Variants in RAB37 observed in about 807,000 individuals in gnomAD.
RAB37 encodes RAB37, member RAS oncogene family.
In RAB37, 29 loss-of-function variants were observed where a neutral mutation model predicts 33.1. The ratio of observed to expected loss-of-function variants is 0.88; its 90% confidence interval spans 0.65 to 1.20. The LOEUF (loss-of-function observed/expected upper bound fraction) is 1.20. RAB37 is among the 50% of genes most tolerant of loss of function. The probability of loss-of-function intolerance (pLI) is 0.00; values close to 1 mark genes in which losing one functional copy is unlikely to be tolerated. For synonymous variants in RAB37, 128 were observed against 119.5 expected (o/e 1.07, Z -0.47); for missense variants, 299 against 301.1 (o/e 0.99, Z 0.05).
At chr17:74,718,332 A>G (rs189565982) in intron 1 of RAB37, among the ~76,000 whole-genome samples, 23 of 151,176 alleles carry the variant, frequency 1.5e-4, no homozygotes, top group South Asian at 2.1e-4. Flanking sequence ...ATCATATCAT[A>G]TCATATCATA....
intron 1 of RAB37, among the ~76,000 whole-genome samples, chr17:74,739,933 G>A (rs1357054052): frequency 6.6e-6 from 1 of 151,576 alleles, no homozygotes; most frequent in Non-Finnish European, 1.5e-5. Flanking sequence ...GAGGCGGGCG[G>A]ATCACCTGAG....
intron 1 of RAB37, chr17:74,696,174 C>T (rs774287786): frequency 1.9e-6 from 3 of 1,596,302 alleles, no homozygotes; most frequent in Admixed American, 3.7e-5. Context: ...CTCTCTGGTC[C>T]GACCTTGGGG....
At chr17:74,697,400 A>C in intron 1 of RAB37, among the ~76,000 whole-genome samples, 1 of 152,234 alleles carries the variant, frequency 6.6e-6, no homozygotes, top group African/African-American at 2.4e-5. Flanking sequence ...TAGATGCTGG[A>C]GAACACAGAA....
At chr17:74,692,444 C>G (rs966538640) in intron 1 of RAB37, among the ~76,000 whole-genome samples, 3 of 152,080 alleles carry the variant, frequency 2.0e-5, no homozygotes, top group Non-Finnish European at 2.9e-5. Flanking sequence ...CCAAGGTCAC[C>G]AATGCCAGAT....
chr17:74,678,682 GACACAC>G (rs148139871), intron 1 of RAB37, among the ~76,000 whole-genome samples: 43 of 147,926 alleles, frequency 2.9e-4, no homozygotes, highest in Admixed American at 2.5e-3. Context: ...CAGACACACA[GACACAC>G]ACACACACAC....
Position 74,744,783 on chromosome 17 carries a change from G to GAGGGC in RAB37, c.433-86_433-82dup. On this transcript the variant is annotated intron_variant, in intron 6 of 8. Transcript: ENST00000392613. The surrounding 1 kb of genome is among the most constrained non-coding windows in gnomAD (Gnocchi z 4.2). ...CCTGCAGTCCCTTGGGCCACCAGCA[G>GAGGGC]AGGGCAGGCAACGCCTGCTTCTGGG... 6.7e-7 allele frequency: 1 copy of GAGGGC among 1,483,728 alleles called. No individual in the cohort carries two copies. The allele number at this position is 1,483,728 out of a possible 1,614,324, so 91.9% of individuals were successfully genotyped here.
In RAB37 at chr17:74,700,141, CAATAAATA is replaced by C. The variant is rs77860062; in HGVS notation, c.72+28506_72+28513del. Among the ~76,000 whole-genome samples, 111 of 147,816 alleles carry C rather than the reference CAATAAATA, an allele frequency of 7.5e-4. 1 individual carries two copies. The highest frequency in any genetic ancestry group is 4.8e-3 in the East Asian group (24 of 4,988). On this transcript the variant is annotated intron_variant, in intron 1 of 7. Transcript: ENST00000340415. ...TGGTCGACAGAGCAAGACCCTGTCTCAATAAATAAATAAATAAATAAATAAATAAACAA... is the reference window on the plus strand; with the variant it reads ...TGGTCGACAGAGCAAGACCCTGTCTCAATAAATAAATAAATAAATAAACAA...
intron 2 of RAB37, among the ~76,000 whole-genome samples, chr17:74,731,392 G>T (rs374817876): frequency 6.6e-6 from 1 of 152,206 alleles, no homozygotes; most frequent in Non-Finnish European, 1.5e-5. Context: ...CACTTTGGAG[G>T]AGCCAGAGGT....
Position 74,729,369 on chromosome 17 carries a change from A to G in RAB37, c.183+3A>G. 1 of 1,610,010 alleles carries G rather than the reference A, an allele frequency of 6.2e-7. No individual in the cohort carries two copies. The highest frequency in any genetic ancestry group is 1.1e-5 in the South Asian group (1 of 91,020). Reference sequence around the variant, plus strand: ...CCACTGTGGGCATCGGATTCACGGTAAGCACTGGCCGGCACTGCCAGCTCT... The same window carrying G: ...CCACTGTGGGCATCGGATTCACGGTGAGCACTGGCCGGCACTGCCAGCTCT... On this transcript the variant is annotated splice_donor_region_variant and intron_variant, in intron 2 of 7. Coordinates refer to the RAB37 transcript ENST00000340415. The surrounding 1 kb of genome is among the most constrained non-coding windows in gnomAD (Gnocchi z 4.2).
intron 1 of RAB37, 70 bp downstream of exon 1, chr17:74,737,435 G>T (rs1435896143): frequency 6.9e-7 from 1 of 1,457,238 alleles, no homozygotes; most frequent in East Asian, 2.5e-5. Context: ...CGTCTGGGTT[G>T]GACTCAGCCC....
At chr17:74,704,415 G>A (rs1480345413) in intron 1 of RAB37, 2 of 1,151,090 alleles carry the variant, frequency 1.7e-6, no homozygotes, top group East Asian at 4.7e-5. Context: ...ACTTGAGTAG[G>A]ACCTCAGAGA....
At chr17:74,688,944 G>T (rs1296861220) in intron 1 of RAB37, among the ~76,000 whole-genome samples, 1 of 152,154 alleles carries the variant, frequency 6.6e-6, no homozygotes, top group Non-Finnish European at 1.5e-5. Flanking sequence ...AAGGCTTTAG[G>T]TCTACATCAA....
chr17:74,671,411 C>T lies in RAB37; in HGVS notation c.-176C>T, dbSNP rs2031701157. The T allele has an allele frequency of 3.3e-6, 2 of 611,322 alleles. No homozygotes were observed. The highest frequency in any genetic ancestry group is 5.5e-5 in the East Asian group (2 of 36,312). The allele number at this position is 611,322 out of a possible 1,614,324, so 37.9% of individuals were successfully genotyped here. ...GTCCTGGAAGAACGTGGCCGCCTGC[C>T]CGCCTGGTACCGCGCCGCGGCCGCT... is the stretch of plus-strand genomic sequence containing the variant. On this transcript the variant is annotated 5_prime_UTR_variant, in exon 1 of 8. Coordinates refer to the RAB37 transcript ENST00000340415. This position sits in a 1 kb window ranked among gnomAD's most constrained non-coding sequence, Gnocchi z 5.0.
At chr17:74,709,796 C>T (rs983326630) in intron 1 of RAB37, among the ~76,000 whole-genome samples, 1 of 151,974 alleles carries the variant, frequency 6.6e-6, no homozygotes, top group African/African-American at 2.4e-5. Flanking sequence ...TGGTCTCAAA[C>T]TCCTGGACTC....
intron 1 of RAB37, among the ~76,000 whole-genome samples, chr17:74,701,323 A>G (rs1031625747): frequency 6.6e-6 from 1 of 152,156 alleles, no homozygotes; most frequent in Non-Finnish European, 1.5e-5. Context: ...CCATTCTTGT[A>G]CCCTTTTTAA....
intron 1 of RAB37, among the ~76,000 whole-genome samples, chr17:74,675,384 A>C (rs1408865451): frequency 6.6e-6 from 1 of 151,984 alleles, no homozygotes; most frequent in Non-Finnish European, 1.5e-5. Context: ...GCAGTGAACC[A>C]AGATCACACC....
intron 1 of RAB37, among the ~76,000 whole-genome samples, chr17:74,693,621 A>T (rs1398671502): frequency 1.3e-5 from 2 of 152,032 alleles, no homozygotes; most frequent in Non-Finnish European, 2.9e-5. Context: ...AGGCTGTCAG[A>T]TTGCTAAAAT....
intron 1 of RAB37, among the ~76,000 whole-genome samples, chr17:74,714,988 G>C (rs889056323): frequency 1.3e-5 from 2 of 152,178 alleles, no homozygotes; most frequent in Non-Finnish European, 2.9e-5. Context: ...CGGGTGTGGT[G>C]GTGGGTGCTT....
chr17:74,719,243 A>T (rs36006425), intron 1 of RAB37, among the ~76,000 whole-genome samples: 29,431 of 151,982 alleles, frequency 0.19, 3,091 homozygotes, highest in East Asian at 0.34. Flanking sequence ...AGCCCAGGAG[A>T]TCGAGACCAG....
Sources: allele counts gnomAD v4.1 joint callset (sites outside exome capture counted in the v4.1 genomes callset), GRCh38; gene constraint gnomAD v4.1.1; non-coding constraint Gnocchi (gnomAD v3.1); transcripts MANE v1.5; gene names NCBI Gene and HGNC (gene_info 2026-07-23, HGNC 2026-07-21).